BICDL1: variants seen among roughly 807,000 people sequenced by gnomAD.
The protein encoded by BICDL1 is BICD family like cargo adaptor 1, also known as BICD family-like cargo adapter 1.
Under a neutral mutation model 76.8 loss-of-function variants are expected in BICDL1, and 20 were observed. That is an observed-to-expected ratio of 0.26 (90% confidence interval 0.18 to 0.38). The LOEUF is 0.38. Ranked by LOEUF, BICDL1 falls within the 10% of genes least tolerant of loss-of-function variation. BICDL1 has a pLI of 1.00. For missense variants in BICDL1, 700 were observed against 798.6 expected, an observed-to-expected ratio of 0.88 and a Z score of 1.49; for synonymous variants, 383 against 337.1, an observed-to-expected ratio of 1.14 and a Z score of -1.49.
intron 8 of BICDL1, among the ~76,000 whole-genome samples, chr12:120,087,186 G>A (rs528448112): frequency 1.3e-5 from 2 of 152,354 alleles, no homozygotes; most frequent in South Asian, 4.1e-4. Context: ...GCTGTTTGCT[G>A]CCAGCCAATA....
chr12:119,992,618 C>T (rs1415100189), intron 1 of BICDL1: 1 of 152,304 alleles, frequency 6.6e-6, no homozygotes, highest in Non-Finnish European at 1.5e-5. Flanking sequence ...CTACGGGGCT[C>T]AAGCAGTCCT....
Position 120,024,685 on chromosome 12 carries a change from T to G in BICDL1, c.645+25949T>G, listed in dbSNP as rs149872737. On this transcript the variant is annotated intron_variant, in intron 2 of 9. Transcript: ENST00000548673. Reference sequence around the variant, plus strand: ...ATATAATAATTTATTTAAATCCTCTTTCTTTCTTTCTTTCTTTTTTTTAAC... The same window carrying G: ...ATATAATAATTTATTTAAATCCTCTGTCTTTCTTTCTTTCTTTTTTTTAAC... Among the ~76,000 whole-genome samples, 11 of 93,194 alleles carry G rather than the reference T, an allele frequency of 1.2e-4. No homozygotes were observed. In the East Asian group the frequency reaches 6.0e-3, roughly 51 times the overall value. 61.1% of individuals were successfully genotyped at this position (93,194 alleles called of 152,430 possible).
chr12:120,035,845 T>A (rs1481248189), intron 2 of BICDL1, among the ~76,000 whole-genome samples: 2 of 152,258 alleles, frequency 1.3e-5, no homozygotes, highest in Non-Finnish European at 2.9e-5. Flanking sequence ...ACCTGACTTT[T>A]ATAATAATCA....
chr12:120,031,715 T>C (rs565035772), intron 2 of BICDL1, among the ~76,000 whole-genome samples: 10 of 152,288 alleles, frequency 6.6e-5, no homozygotes, highest in Admixed American at 6.5e-5. Context: ...AAATCAAGAC[T>C]AGAGTCTGCA....
intron 2 of BICDL1, among the ~76,000 whole-genome samples, chr12:120,019,907 G>T (rs1405329483): frequency 6.6e-6 from 1 of 152,232 alleles, no homozygotes; most frequent in African/African-American, 2.4e-5. Flanking sequence ...GTAAGCAAGG[G>T]AATGGGTTTG....
chr12:120,093,156 A>AT lies in BICDL1; in HGVS notation c.1864dup (p.Ter622LeufsTer67), dbSNP rs767978552. ...ACGACTCTTCTCATTCTTCAGGAAA[A>AT]TTTAAGTTGGGAGGAGTCAGGCCAC... On this transcript the variant is annotated frameshift_variant, in exon 10 of 10. Transcript: ENST00000548673. LOFTEE classifies it high-confidence loss of function. 12 of 1,597,044 alleles carry AT rather than the reference A, an allele frequency of 7.5e-6. No individual in the cohort carries two copies. The highest frequency in any genetic ancestry group is 2.3e-5 in the East Asian group (1 of 43,998).
At position 120,013,439 on chromosome 12, in the gene BICDL1, A is replaced by AGTGTGTGTGTGTGTGT. The variant is rs35499277; in HGVS notation, c.645+14732_645+14747dup. Among the ~76,000 whole-genome samples, 270 of 134,880 alleles carry AGTGTGTGTGTGTGTGT rather than the reference A, an allele frequency of 2.0e-3. 4 individuals are homozygous for AGTGTGTGTGTGTGTGT. Among genetic ancestry groups the AGTGTGTGTGTGTGTGT allele is most frequent in the East Asian group, 9.4e-3 (41 of 4,374 alleles). The allele number at this position is 134,880 out of a possible 152,430, so 88.5% of individuals were successfully genotyped here. A position where few individuals can be genotyped will look rare whatever the true frequency, so the allele number is the denominator to read the frequency against. On this transcript the variant is annotated intron_variant, in intron 2 of 9. Transcript: ENST00000548673. ...TTGCAGGGACTATGTCTTTAACCAGAGTGTGTGTGTGTGTGTGTGTGTGTG... is the reference window on the plus strand; with the variant it reads ...TTGCAGGGACTATGTCTTTAACCAGAGTGTGTGTGTGTGTGTGTGTGTGTGTGTGTGTGTGTGTGTG...
chr12:120,009,375 T>G (rs1309602130), intron 2 of BICDL1, among the ~76,000 whole-genome samples: 1 of 152,108 alleles, frequency 6.6e-6, no homozygotes, highest in Non-Finnish European at 1.5e-5. Context: ...CTAGTTCTGG[T>G]TTTCTTTTTC....
At chr12:120,007,165 A>G (rs1229549295) in intron 2 of BICDL1, among the ~76,000 whole-genome samples, 1 of 152,196 alleles carries the variant, frequency 6.6e-6, no homozygotes, top group African/African-American at 2.4e-5. Context: ...TGAGAGACCA[A>G]AGGCTAGAGG....
chr12:120,051,802 A>T (rs1025417051), intron 2 of BICDL1, among the ~76,000 whole-genome samples: 1 of 152,160 alleles, frequency 6.6e-6, no homozygotes, highest in Non-Finnish European at 1.5e-5. Context: ...CTACATACCT[A>T]TTGGAATTTT....
At chr12:120,068,644 C>T (rs1405710673) in intron 4 of BICDL1, among the ~76,000 whole-genome samples, 2 of 152,178 alleles carry the variant, frequency 1.3e-5, no homozygotes, top group African/African-American at 4.8e-5. Context: ...GGTGAAACCC[C>T]GTCTCTACTA....
rs181381724 is a variant in BICDL1 at position 120,039,449 on chromosome 12, C to G, written c.646-22261C>G. ...GGTCAGGAGTTCGAGTCCAGCCTGACCAACATGGTGAAACCCCATCTCTAC... is the reference window on the plus strand; with the variant it reads ...GGTCAGGAGTTCGAGTCCAGCCTGAGCAACATGGTGAAACCCCATCTCTAC... On this transcript the variant is annotated intron_variant, in intron 2 of 9. Coordinates refer to ENST00000548673, the MANE Select transcript of BICDL1 (RefSeq NM_001367886.1). Among the ~76,000 whole-genome samples the G allele has an allele frequency of 3.4e-4, 52 of 151,898 alleles. No individual in the cohort carries two copies. The East Asian group carries it at 7.4e-3, about 22-fold the overall frequency.
At chr12:120,027,630 A>C (rs1349952008) in intron 2 of BICDL1, among the ~76,000 whole-genome samples, 1 of 152,182 alleles carries the variant, frequency 6.6e-6, no homozygotes, top group Non-Finnish European at 1.5e-5. Flanking sequence ...GTGTTCTGTC[A>C]TGGCTGTTTT....
chr12:120,075,317 G>A (rs369804893), intron 7 of BICDL1, among the ~76,000 whole-genome samples: 2 of 151,698 alleles, frequency 1.3e-5, no homozygotes, highest in East Asian at 1.9e-4. Flanking sequence ...AGCTGTTCAC[G>A]CCTTGCTGCT....
At chr12:120,042,128 G>A (rs943837875) in intron 2 of BICDL1, among the ~76,000 whole-genome samples, 1 of 152,022 alleles carries the variant, frequency 6.6e-6, no homozygotes, top group African/African-American at 2.4e-5. Context: ...GAGTGGAGGC[G>A]GGAAGAAGTG....
intron 2 of BICDL1, among the ~76,000 whole-genome samples, chr12:120,015,537 TTC>T (rs1210809912): frequency 6.6e-6 from 1 of 152,238 alleles, no homozygotes; most frequent in Non-Finnish European, 1.5e-5. Context: ...GTCATTTACA[TTC>T]TGTCATCTCT....
Position 120,093,268 on chromosome 12 carries a change from T to A in BICDL1, c.*107T>A. The A allele has an allele frequency of 7.7e-6, 10 of 1,304,706 alleles. No homozygotes were observed. Among genetic ancestry groups the A allele is most frequent in the Non-Finnish European group, 1.1e-5 (10 of 935,682 alleles). 80.8% of individuals were successfully genotyped at this position (1,304,706 alleles called of 1,614,324 possible). On this transcript the variant is annotated 3_prime_UTR_variant, in exon 10 of 10. Coordinates refer to ENST00000548673, the MANE Select transcript of BICDL1 (RefSeq NM_001367886.1). ...TGCACCTCAGCAGCTGCCCTGCCCC[T>A]CATGCTAGGGCCCCATGGGTCCGGG...
intron 2 of BICDL1, among the ~76,000 whole-genome samples, chr12:120,020,029 T>C (rs147570478): frequency 2.2e-3 from 337 of 152,302 alleles, no homozygotes; most frequent in African/African-American, 7.5e-3. Context: ...TATATCTTTT[T>C]TTTCTTAGTT....
chr12:119,989,856 G>C lies in BICDL1; in HGVS notation c.-13G>C. 7.5e-7 allele frequency: 1 copy of C among 1,330,772 alleles called. No homozygotes were observed. The allele number at this position is 1,330,772 out of a possible 1,614,324, so 82.4% of individuals were successfully genotyped here. A position where few individuals can be genotyped will look rare whatever the true frequency, so the allele number is the denominator to read the frequency against. On this transcript the variant is annotated 5_prime_UTR_variant, in exon 1 of 10. Transcript: ENST00000548673. Reference sequence around the variant, plus strand: ...GCCGGGCCGCACCGCTGCGGGCTCCGCGCGCGCGGGCCATGTCCGCTTTCT... The same window carrying C: ...GCCGGGCCGCACCGCTGCGGGCTCCCCGCGCGCGGGCCATGTCCGCTTTCT...
Sources: gnomAD v4.1 joint callset for allele counts (sites outside exome capture counted in the v4.1 genomes callset) on GRCh38, gnomAD v4.1.1 for gene constraint, MANE v1.5 for transcripts, NCBI Gene and HGNC (gene_info 2026-07-23, HGNC 2026-07-21) for gene names.